Variants in DOCK2 observed in about 807,000 individuals in gnomAD.
DOCK2 encodes the protein dedicator of cytokinesis protein 2.
Under a neutral mutation model 248.9 loss-of-function variants are expected in DOCK2, and 87 were observed. The observed-to-expected ratio is 0.35, with a 90% confidence interval of 0.29 to 0.42. The LOEUF (loss-of-function observed/expected upper bound fraction) is 0.42. Ranked by LOEUF, DOCK2 falls within the 10% of genes least tolerant of loss-of-function variation. The pLI, the probability that DOCK2 is intolerant of heterozygous loss-of-function variation, is 1.00. For synonymous variants in DOCK2, 805 were observed against 821.6 expected, an observed-to-expected ratio of 0.98 and a Z score of 0.35; for missense variants, 1,747 against 2,300.2, an observed-to-expected ratio of 0.76 and a Z score of 4.92.
intron 9 of DOCK2, among the ~76,000 whole-genome samples, chr5:169,691,527 T>A (rs962456450): frequency 1.3e-5 from 2 of 152,174 alleles, no homozygotes; most frequent in African/African-American, 4.8e-5. Context: ...ATAAAATGCA[T>A]GCACAAATAA....
At chr5:169,998,971 T>C (rs1754740332) in intron 30 of DOCK2, among the ~76,000 whole-genome samples, 1 of 152,196 alleles carries the variant, frequency 6.6e-6, no homozygotes, top group Non-Finnish European at 1.5e-5. Flanking sequence ...TGGAACACCA[T>C]ACCTAGGGGC....
chr5:170,007,418 G>C (rs374624749), intron 30 of DOCK2, among the ~76,000 whole-genome samples: 24 of 152,276 alleles, frequency 1.6e-4, no homozygotes, highest in African/African-American at 5.5e-4. Context: ...CTGGAATAAG[G>C]AAAAGCACAA....
intron 25 of DOCK2, among the ~76,000 whole-genome samples, chr5:169,769,721 A>T (rs1189998540): frequency 2.6e-5 from 4 of 152,142 alleles, no homozygotes; most frequent in Non-Finnish European, 5.9e-5. Flanking sequence ...GTGGCCCTTG[A>T]CCTCTCTCAA....
chr5:169,637,493 G>T, intron 1 of DOCK2, 124 bp downstream of exon 1: 5 of 1,111,582 alleles, frequency 4.5e-6, no homozygotes, highest in Non-Finnish European at 5.8e-6. Flanking sequence ...GTCAGAGGGC[G>T]CAGCCTGCGG....
chr5:170,071,287 A>G (rs1276251481), intron 46 of DOCK2, among the ~76,000 whole-genome samples: 1 of 152,242 alleles, frequency 6.6e-6, no homozygotes, highest in African/African-American at 2.4e-5. Flanking sequence ...AGTGATGGAC[A>G]AAATTGGGCC....
intron 25 of DOCK2, among the ~76,000 whole-genome samples, chr5:169,781,357 T>C (rs536413576): frequency 6.6e-6 from 1 of 152,292 alleles, no homozygotes; most frequent in South Asian, 2.1e-4. Flanking sequence ...GCTGGAAAAT[T>C]TAAACTCTAG....
chr5:169,672,586 T>C (rs1180989701), intron 5 of DOCK2, among the ~76,000 whole-genome samples: 1 of 152,186 alleles, frequency 6.6e-6, no homozygotes, highest in Admixed American at 6.5e-5. Flanking sequence ...TGATTCCCCG[T>C]CACCAACTAG....
chr5:170,076,700 C>T (rs1757852631), intron 47 of DOCK2, among the ~76,000 whole-genome samples: 1 of 152,222 alleles, frequency 6.6e-6, no homozygotes, highest in Non-Finnish European at 1.5e-5. Flanking sequence ...CTGGTCCAGC[C>T]TTCCCATTTT....
At chr5:170,019,135 C>A (rs976249417) in intron 33 of DOCK2, 27 bp downstream of exon 33, 1 of 1,613,466 alleles carries the variant, frequency 6.2e-7, no homozygotes, top group African/African-American at 1.3e-5. Flanking sequence ...GAAACTCATG[C>A]CAGCATGCCT....
chr5:169,648,360 C>T (rs531604728), intron 1 of DOCK2, among the ~76,000 whole-genome samples: 2 of 152,252 alleles, frequency 1.3e-5, no homozygotes, highest in African/African-American at 2.4e-5. Context: ...GGGGCAAATT[C>T]GCTCCCAGTT....
In DOCK2 at chr5:169,718,520, C is replaced by A. The variant is rs1295708775; in HGVS notation, c.2133-137C>A. ...AAATATAATTTTTATGCAGAGTTAT[C>A]TTTATGCTTACAAATGAGTAAGTGA... On this transcript the variant is annotated intron_variant, in intron 21 of 51. Transcript: ENST00000520908. 6 of 865,390 alleles carry A rather than the reference C, an allele frequency of 6.9e-6. No homozygotes were observed. The South Asian group carries it at 1.4e-4, about 20-fold the overall frequency. 53.6% of individuals were successfully genotyped at this position (865,390 alleles called of 1,614,324 possible). A position where few individuals can be genotyped will look rare whatever the true frequency, so the allele number is the denominator to read the frequency against.
At chr5:169,943,543 T>C (rs564898106) in intron 27 of DOCK2, among the ~76,000 whole-genome samples, 1 of 152,296 alleles carries the variant, frequency 6.6e-6, no homozygotes, top group East Asian at 1.9e-4. Flanking sequence ...CCCACGTTGA[T>C]GGAGAGTTGC....
At chr5:169,886,485 T>C (rs1431792581) in intron 27 of DOCK2, among the ~76,000 whole-genome samples, 1 of 152,220 alleles carries the variant, frequency 6.6e-6, no homozygotes, top group African/African-American at 2.4e-5. Context: ...CAGATAATAA[T>C]TAAGCCTGCC....
In DOCK2 at chr5:169,686,596, C is replaced by T. The variant is rs1261538256; in HGVS notation, c.761+2246C>T. Among the ~76,000 whole-genome samples, 4 of 152,270 alleles carry T rather than the reference C, an allele frequency of 2.6e-5. No individual in the cohort carries two copies. The South Asian group carries it at 8.3e-4, about 32-fold the overall frequency. ...GGGCAGGGGAATCTGGGAACACTCC[C>T]AATGTCAGTCTCACTCTGAAGAGCT... On this transcript the variant is annotated intron_variant, in intron 8 of 51. Transcript: ENST00000520908.
chr5:169,854,280 G>C (rs1770780785), intron 27 of DOCK2, among the ~76,000 whole-genome samples: 1 of 151,524 alleles, frequency 6.6e-6, no homozygotes, highest in Non-Finnish European at 1.5e-5. Flanking sequence ...CCACCTCCCA[G>C]GTTCAAGGGA....
At chr5:170,080,080 C>T in intron 49 of DOCK2, 83 bp from the exon 50 acceptor site, 1 of 1,585,676 alleles carries the variant, frequency 6.3e-7, no homozygotes, top group African/African-American at 1.3e-5. Context: ...GCCCTCCTCA[C>T]TGATCTTTCA....
intron 27 of DOCK2, among the ~76,000 whole-genome samples, chr5:169,905,588 C>T (rs1316172049): frequency 6.6e-6 from 1 of 152,314 alleles, no homozygotes; most frequent in East Asian, 1.9e-4. Flanking sequence ...TCTTCAAGTC[C>T]TGTATACGGG....
intron 27 of DOCK2, among the ~76,000 whole-genome samples, chr5:169,980,938 G>T (rs1056161413): frequency 6.6e-6 from 1 of 152,102 alleles, no homozygotes; most frequent in Non-Finnish European, 1.5e-5. Context: ...TGTGATCTCC[G>T]CCGGATTTGC....
At chr5:169,878,190 G>A (rs1426929210) in intron 27 of DOCK2, among the ~76,000 whole-genome samples, 1 of 152,158 alleles carries the variant, frequency 6.6e-6, no homozygotes, top group Admixed American at 6.5e-5. Context: ...GTGGCTTAGA[G>A]GGACCTCGTG....
Sources: allele counts gnomAD v4.1 joint callset (sites outside exome capture counted in the v4.1 genomes callset), GRCh38; gene constraint gnomAD v4.1.1; transcripts MANE v1.5; gene names NCBI Gene and HGNC (gene_info 2026-07-23, HGNC 2026-07-21).